Variants in C3orf33 observed in about 807,000 individuals in gnomAD.
C3orf33 encodes AP-1 activity suppressor.
A neutral mutation model predicts 28.7 loss-of-function variants in C3orf33; 23 were observed. The observed-to-expected ratio is 0.80, with a 90% CI of 0.58 to 1.13. The LOEUF is 1.13. Among genes scored for constraint, C3orf33 ranks in the 50% most tolerant of loss-of-function variants. The pLI is 0.00. For synonymous variants in C3orf33, 119 were observed against 120.5 expected (o/e 0.99, Z 0.08); for missense variants, 327 against 353.4 (o/e 0.93, Z 0.60).
At chr3:155,767,420 T>C (rs1319402507) in intron 4 of C3orf33, 89 bp downstream of exon 4, 1 of 1,054,028 alleles carries the variant, frequency 9.5e-7, no homozygotes, top group East Asian at 3.0e-5. Flanking sequence ...TCAGTCCCAT[T>C]ATATATCCAA....
chr3:155,769,048 C>T (rs372518859), intron 3 of C3orf33, among the ~76,000 whole-genome samples: 5 of 152,110 alleles, frequency 3.3e-5, no homozygotes, highest in African/African-American at 1.2e-4. Context: ...TGTGGTGGCT[C>T]ACACCTGTAA....
At chr3:155,804,941 G>A (rs1433963042) in intron 1 of C3orf33, among the ~76,000 whole-genome samples, 2 of 152,094 alleles carry the variant, frequency 1.3e-5, no homozygotes, top group African/African-American at 2.4e-5. Context: ...CCATGTACGT[G>A]TCCAAAAAGT....
chr3:155,790,325 C>T (rs1186895823), intron 2 of C3orf33, among the ~76,000 whole-genome samples: 1 of 150,904 alleles, frequency 6.6e-6, no homozygotes, highest in African/African-American at 2.4e-5. Flanking sequence ...CTATAAAACT[C>T]CTTAAAAAAA....
At chr3:155,800,080 G>A (rs1427268708) in intron 2 of C3orf33, among the ~76,000 whole-genome samples, 1 of 152,096 alleles carries the variant, frequency 6.6e-6, no homozygotes, top group Non-Finnish European at 1.5e-5. Flanking sequence ...TAATTGGATT[G>A]TTTGCAACAC....
At chr3:155,788,234 T>G (rs1278400162) in intron 2 of C3orf33, among the ~76,000 whole-genome samples, 1 of 147,938 alleles carries the variant, frequency 6.8e-6, no homozygotes, top group Admixed American at 6.9e-5. Flanking sequence ...TCAACCAGTA[T>G]AATACACTGC....
At chr3:155,791,135 T>A (rs1382511328) in intron 2 of C3orf33, among the ~76,000 whole-genome samples, 1 of 152,082 alleles carries the variant, frequency 6.6e-6, no homozygotes, top group Non-Finnish European at 1.5e-5. Context: ...CCAGCTCAGC[T>A]ATAGTAGGAT....
At chr3:155,805,228 C>T (rs1751774525) in intron 1 of C3orf33, among the ~76,000 whole-genome samples, 1 of 151,032 alleles carries the variant, frequency 6.6e-6, no homozygotes, top group East Asian at 1.9e-4. Flanking sequence ...TTTGGGAGGC[C>T]GAGGCGGGCA....
intron 2 of C3orf33, among the ~76,000 whole-genome samples, chr3:155,786,674 A>G (rs1751126570): frequency 6.6e-6 from 1 of 151,732 alleles, no homozygotes; most frequent in African/African-American, 2.4e-5. Flanking sequence ...TAAAAATACA[A>G]AAAAAAATTA....
At chr3:155,782,005 G>A (rs1029693372) in intron 2 of C3orf33, among the ~76,000 whole-genome samples, 5 of 151,668 alleles carry the variant, frequency 3.3e-5, no homozygotes, top group Admixed American at 2.6e-4. Context: ...GAACCCAGGA[G>A]CCAGAGGTTG....
Position 155,800,610 on chromosome 3 carries a change from C to CAAAAA in C3orf33, c.174+1917_174+1921dup, listed in dbSNP as rs58092818. Among the ~76,000 whole-genome samples, 67 of 15,636 alleles carry CAAAAA rather than the reference C, an allele frequency of 4.3e-3. 11 individuals carry two copies. The highest frequency in any genetic ancestry group is 8.9e-3 in the African/African-American group (47 of 5,256). The allele number at this position is 15,636 out of a possible 152,430, so 10.3% of individuals were successfully genotyped here. A position where few individuals can be genotyped will look rare whatever the true frequency, so the allele number is the denominator to read the frequency against. The stretch of plus-strand genomic sequence containing the variant: ...GGTCAACAGAGTGAGACCTTATCTC[C>CAAAAA]AAAAAAAAAAAAAAAAAAAAAAAAA... On this transcript the variant is annotated intron_variant, in intron 2 of 4. Transcript: ENST00000340171.
At chr3:155,776,727 G>A (rs1433214565) in intron 2 of C3orf33, among the ~76,000 whole-genome samples, 2 of 132,100 alleles carry the variant, frequency 1.5e-5, no homozygotes, top group Non-Finnish European at 3.1e-5. Flanking sequence ...CTACACTCCA[G>A]CCTGGGTGAC....
In C3orf33 at chr3:155,776,642, TG is replaced by T. The variant is rs752477767; in HGVS notation, c.175-795del. 5.3e-5 allele frequency among the ~76,000 whole-genome samples: 8 copies of T among 150,270 alleles called. No individual in the cohort carries two copies. In the South Asian group the frequency reaches 1.7e-3, roughly 32 times the overall value. ...TCCACAAAAAAATGTAAAAATCAGC[TG>T]GGCATGGTAACACAGAACAGGAGGG... is the stretch of plus-strand genomic sequence containing the variant. On this transcript the variant is annotated intron_variant, in intron 2 of 4. Coordinates refer to ENST00000340171, the MANE Select transcript of C3orf33 (RefSeq NM_001308229.2).
intron 2 of C3orf33, among the ~76,000 whole-genome samples, chr3:155,779,106 G>C (rs1018546505): frequency 4.6e-5 from 7 of 152,114 alleles, no homozygotes; most frequent in Admixed American, 2.6e-4. Context: ...AACTCAAAAT[G>C]AGTAAAAGTA....
rs193093486 is a variant in C3orf33 at position 155,792,782 on chromosome 3, A to T, written c.174+9750T>A. Among the ~76,000 whole-genome samples, 533 of 152,170 alleles carry T rather than the reference A, an allele frequency of 3.5e-3. 4 individuals carry two copies. Among genetic ancestry groups the T allele is most frequent in the Admixed American group, 4.5e-3 (69 of 15,268 alleles). ...CTGAGGACAGGCTATTTGAAAATAC[A>T]CAGTCAGAGGAGAAAAAAATAAAAA... On this transcript the variant is annotated intron_variant, in intron 2 of 4. Transcript: ENST00000340171.
rs770945064 is a variant in C3orf33, at chr3:155,763,836, T to C, written c.566A>G (p.Tyr189Cys). 9 of 1,569,242 alleles carry C rather than the reference T, an allele frequency of 5.7e-6. No homozygotes were observed. The East Asian group carries it at 1.6e-4, about 28-fold the overall frequency. The change falls in exon 5 of 5, where the codon TAT becomes TGT. Residue 189 changes from tyrosine (Y) to cysteine (C), a missense_variant. Tyr to Cys is a radical substitution (Grantham distance 194). Coordinates refer to ENST00000340171, the MANE Select transcript of C3orf33 (RefSeq NM_001308229.2). ...AACTGTCCAGTAGATTTTAGAATCA[T>C]ATTTAAGCCCTTTAACAAGAACAGT... ...GKTVLVKGLK[Y>C]DSKIYWTVHR...
chr3:155,787,541 G>A (rs1160340287), intron 2 of C3orf33, among the ~76,000 whole-genome samples: 3 of 151,538 alleles, frequency 2.0e-5, no homozygotes, highest in African/African-American at 4.9e-5. Context: ...TAGTAGAGAC[G>A]GGGTTTCACT....
chr3:155,776,217 A>G (rs976470456), intron 2 of C3orf33, among the ~76,000 whole-genome samples: 1 of 152,204 alleles, frequency 6.6e-6, no homozygotes, highest in Non-Finnish European at 1.5e-5. Flanking sequence ...CAATCTATTC[A>G]TGCATATACT....
Position 155,788,146 on chromosome 3 carries a change from G to C in C3orf33, c.175-12298C>G, listed in dbSNP as rs1271317430. On this transcript the variant is annotated intron_variant, in intron 2 of 4. Transcript: ENST00000340171. Reference sequence around the variant, plus strand: ...GCGGAGCTTACAGTGAGCCGAGATTGTGCCACTGCACTCCAGCCTGGGCGA... The same window carrying C: ...GCGGAGCTTACAGTGAGCCGAGATTCTGCCACTGCACTCCAGCCTGGGCGA... 2.0e-5 allele frequency among the ~76,000 whole-genome samples: 3 copies of C among 151,226 alleles called. No homozygotes were observed. The South Asian group carries it at 6.2e-4, about 31-fold the overall frequency.
intron 2 of C3orf33, among the ~76,000 whole-genome samples, chr3:155,779,233 G>A (rs1415062952): frequency 6.6e-6 from 1 of 152,174 alleles, no homozygotes; most frequent in Non-Finnish European, 1.5e-5. Context: ...TAGAGCAAGA[G>A]AAGTGAGAGA....
Sources: gnomAD v4.1 joint callset for allele counts (sites outside exome capture counted in the v4.1 genomes callset) on GRCh38, gnomAD v4.1.1 for gene constraint, MANE v1.5 for transcripts, NCBI Gene and HGNC (gene_info 2026-07-23, HGNC 2026-07-21) for gene names.